Variants in ANKRD6 observed in about 807,000 individuals in gnomAD.
ANKRD6 encodes the protein ankyrin repeat domain-containing protein 6.
In ANKRD6, 56 loss-of-function variants were observed where a neutral mutation model predicts 82.3. The observed-to-expected ratio is 0.68, with a 90% CI of 0.55 to 0.85. The LOEUF is 0.85. ANKRD6 is among the 40% of genes least tolerant of loss of function. ANKRD6 has a pLI of 0.00. For synonymous variants in ANKRD6, 347 were observed against 352.1 expected (o/e 0.99, Z 0.16); for missense variants, 852 against 907.6 (o/e 0.94, Z 0.79).
chr6:89,507,260 T>A (rs901951397), intron 1 of ANKRD6, among the ~76,000 whole-genome samples: 3 of 152,220 alleles, frequency 2.0e-5, no homozygotes, highest in Admixed American at 6.5e-5. Context: ...AAGACTGGGC[T>A]AGTTGCATTA....
chr6:89,538,742 G>T (rs1562757030), intron 1 of ANKRD6, among the ~76,000 whole-genome samples: 1 of 152,062 alleles, frequency 6.6e-6, no homozygotes, highest in Non-Finnish European at 1.5e-5. Flanking sequence ...TCCATCAAAT[G>T]TAGGAAATCC....
chr6:89,522,611 G>T (rs1054745057), intron 1 of ANKRD6, among the ~76,000 whole-genome samples: 9 of 152,172 alleles, frequency 5.9e-5, no homozygotes, highest in African/African-American at 2.2e-4. Context: ...CTTTGACAGT[G>T]ATTTAGTTAA....
At chr6:89,622,399 C>T (rs2128250679) in intron 10 of ANKRD6, among the ~76,000 whole-genome samples, 1 of 152,270 alleles carries the variant, frequency 6.6e-6, no homozygotes, top group East Asian at 1.9e-4. Context: ...CACCTGGGAC[C>T]TTATTAGAAA....
intron 1 of ANKRD6, among the ~76,000 whole-genome samples, chr6:89,438,124 T>A (rs1770880018): frequency 6.6e-6 from 1 of 152,242 alleles, no homozygotes; most frequent in Non-Finnish European, 1.5e-5. Flanking sequence ...AATACTTCAA[T>A]AAATCATGAT....
intron 1 of ANKRD6, among the ~76,000 whole-genome samples, chr6:89,478,728 G>A (rs188023020): frequency 1.4e-5 from 2 of 144,342 alleles, no homozygotes; most frequent in Non-Finnish European, 3.0e-5. Context: ...CTGCACTCCA[G>A]CCTGGGCGAC....
At chr6:89,444,327 G>A (rs573433173) in intron 1 of ANKRD6, among the ~76,000 whole-genome samples, 1 of 152,212 alleles carries the variant, frequency 6.6e-6, no homozygotes, top group South Asian at 2.1e-4. Context: ...AAATCCCCTG[G>A]CACCTGTTGG....
intron 1 of ANKRD6, among the ~76,000 whole-genome samples, chr6:89,505,954 C>G (rs1055733708): frequency 2.0e-5 from 3 of 152,104 alleles, no homozygotes; most frequent in African/African-American, 7.2e-5. Context: ...ATGAAATAAG[C>G]CAAACACATG....
chr6:89,493,105 C>T (rs1778196240), intron 1 of ANKRD6, among the ~76,000 whole-genome samples: 1 of 152,200 alleles, frequency 6.6e-6, no homozygotes, highest in South Asian at 2.1e-4. Context: ...TAGACTCACA[C>T]TTCAGTCCTC....
chr6:89,438,806 C>A (rs913510450), intron 1 of ANKRD6, among the ~76,000 whole-genome samples: 1 of 152,112 alleles, frequency 6.6e-6, no homozygotes, highest in Non-Finnish European at 1.5e-5. Flanking sequence ...CTGTGCCTGG[C>A]TAATTTTTGT....
intron 1 of ANKRD6, among the ~76,000 whole-genome samples, chr6:89,515,922 A>G (rs1781157877): frequency 6.6e-6 from 1 of 152,220 alleles, no homozygotes; most frequent in Non-Finnish European, 1.5e-5. Flanking sequence ...ACCAAGGCAG[A>G]GATTAGAGTG....
chr6:89,604,063 A>G (rs1196954549), intron 4 of ANKRD6, among the ~76,000 whole-genome samples: 3 of 152,258 alleles, frequency 2.0e-5, no homozygotes, highest in African/African-American at 7.2e-5. Context: ...GCAGTGGTTC[A>G]TGCCTATAAT....
At chr6:89,486,457 C>T (rs1743968109) in intron 1 of ANKRD6, among the ~76,000 whole-genome samples, 1 of 152,060 alleles carries the variant, frequency 6.6e-6, no homozygotes, top group African/African-American at 2.4e-5. Flanking sequence ...ATGTTTGTAA[C>T]ATGATTGTAT....
chr6:89,541,418 A>T (rs1583178170), intron 1 of ANKRD6, among the ~76,000 whole-genome samples: 2 of 91,170 alleles, frequency 2.2e-5, no homozygotes. Context: ...TTTGAGATGG[A>T]GTCTCGCACT....
At chr6:89,616,279 C>G (rs1183715008) in intron 7 of ANKRD6, 1 of 414,068 alleles carries the variant, frequency 2.4e-6, no homozygotes, top group Non-Finnish European at 4.4e-6. Context: ...TCCCACCATT[C>G]TCAACAACCC....
At chr6:89,453,078 T>A (rs1256043803) in intron 1 of ANKRD6, among the ~76,000 whole-genome samples, 1 of 152,250 alleles carries the variant, frequency 6.6e-6, no homozygotes, top group Admixed American at 6.5e-5. Context: ...AATAGAACTT[T>A]GCCAGTCACC....
chr6:89,559,327 C>T (rs559436062), intron 1 of ANKRD6, among the ~76,000 whole-genome samples: 10 of 152,294 alleles, frequency 6.6e-5, no homozygotes, highest in Non-Finnish European at 1.5e-4. Flanking sequence ...CCCCTTCTAA[C>T]CTAACCAGAT....
chr6:89,483,803 A>T (rs1338080977), intron 1 of ANKRD6, among the ~76,000 whole-genome samples: 1 of 152,250 alleles, frequency 6.6e-6, no homozygotes, highest in Non-Finnish European at 1.5e-5. Context: ...CAAGAACAAG[A>T]TTAGCTACAA....
chr6:89,621,872 C>G (rs772643264), intron 9 of ANKRD6, 50 bp from the exon 10 acceptor site: 2 of 1,562,462 alleles, frequency 1.3e-6, no homozygotes, highest in African/African-American at 1.4e-5. Context: ...TTCTCTCACA[C>G]AGATGCTGCG....
intron 1 of ANKRD6, among the ~76,000 whole-genome samples, chr6:89,483,997 C>T (rs1178156461): frequency 6.6e-6 from 1 of 152,114 alleles, no homozygotes. Context: ...CTCACTGCAA[C>T]CTCTGTCAAG....
Sources: gnomAD v4.1 joint callset for allele counts (sites outside exome capture counted in the v4.1 genomes callset) on GRCh38, gnomAD v4.1.1 for gene constraint, MANE v1.5 for transcripts, NCBI Gene and HGNC (gene_info 2026-07-23, HGNC 2026-07-21) for gene names.